DNAH17: variants seen among roughly 807,000 people sequenced by gnomAD.
DNAH17 encodes dynein axonemal heavy chain 17, also known as axonemal beta dynein heavy chain 17.
Under a neutral mutation model 485.6 loss-of-function variants are expected in DNAH17, and 376 were observed. That is an observed-to-expected ratio of 0.77 (90% confidence interval 0.71 to 0.84). The LOEUF is 0.84. DNAH17 is among the 40% of genes least tolerant of loss of function. The pLI, the probability that DNAH17 is intolerant of heterozygous loss-of-function variation, is 0.00. For missense variants in DNAH17, 6,370 were observed against 5,839.3 expected (o/e 1.09, Z -2.96); for synonymous variants, 3,031 against 2,405.9 (o/e 1.26, Z -7.60).
intron 26 of DNAH17, among the ~76,000 whole-genome samples, chr17:78,513,989 G>T (rs1396591181): frequency 3.2e-4 from 49 of 152,098 alleles, no homozygotes; most frequent in Admixed American, 3.1e-3. Flanking sequence ...GTTCCTGTTA[G>T]CCTTCTGGAG....
At chr17:78,571,405 T>G (rs2092355672) in intron 4 of DNAH17, 27 bp from the exon 5 acceptor site, 1 of 1,583,108 alleles carries the variant, frequency 6.3e-7, no homozygotes, top group Admixed American at 1.7e-5. Context: ...AGATCCACCT[T>G]TCATTGACCT....
Position 78,485,719 on chromosome 17 carries a change from G to C in DNAH17, c.7314C>G (p.Arg2438=). The C allele has an allele frequency of 6.2e-7, 1 of 1,613,590 alleles. No individual in the cohort carries two copies. The highest frequency in any genetic ancestry group is 8.5e-7 in the Non-Finnish European group (1 of 1,179,888). The part of the protein sequence containing the change: ...LVHTTETIRI[R]YFMDLLMEKS... ...TCTCCATGAGCAGGTCCATGAAGTA[G>C]CGGATGCGGATGGTTTCCGTGGTGT... Residue 2438 remains arginine (R), a synonymous_variant, in exon 47 of 81, where the codon CGC becomes CGG. Transcript: ENST00000389840.
chr17:78,516,691 GAAAAAAAAAA>G (rs1168693263), intron 25 of DNAH17, among the ~76,000 whole-genome samples: 1 of 88,722 alleles, frequency 1.1e-5, no homozygotes, highest in Admixed American at 1.2e-4. Flanking sequence ...CTCCATCTCA[GAAAAAAAAAA>G]AAAAAAAAAA....
intron 51 of DNAH17, among the ~76,000 whole-genome samples, chr17:78,478,053 T>C (rs1321699052): frequency 3.6e-5 from 4 of 110,260 alleles, no homozygotes; most frequent in Admixed American, 9.5e-5. Context: ...TCATTACCAT[T>C]ATCATCTCCA....
intron 64 of DNAH17, among the ~76,000 whole-genome samples, chr17:78,454,038 C>T (rs2087674859): frequency 6.6e-6 from 1 of 152,106 alleles, no homozygotes; most frequent in Non-Finnish European, 1.5e-5. Context: ...TTTATGGCCA[C>T]AGAGACAAAT....
At chr17:78,535,038 T>C (rs1043137568) in intron 19 of DNAH17, among the ~76,000 whole-genome samples, 4 of 152,122 alleles carry the variant, frequency 2.6e-5, no homozygotes, top group Non-Finnish European at 5.9e-5. Context: ...ACCAGCAGGC[T>C]TTCGAGGGAC....
chr17:78,485,308 G>A (rs2089550448), intron 47 of DNAH17: 3 of 610,654 alleles, frequency 4.9e-6, no homozygotes, highest in Admixed American at 3.2e-5. Context: ...CGGGGGACCT[G>A]CTGCCTCGAC....
At chr17:78,428,760 C>G in intron 76 of DNAH17, 53 bp from the exon 77 acceptor site, 3 of 1,597,190 alleles carry the variant, frequency 1.9e-6, no homozygotes, top group Non-Finnish European at 2.6e-6. Context: ...GGCTGAAACC[C>G]ATGTCCTGTT....
At chr17:78,468,170 T>C (rs1322507234) in intron 55 of DNAH17, among the ~76,000 whole-genome samples, 1 of 138,428 alleles carries the variant, frequency 7.2e-6, no homozygotes, top group Non-Finnish European at 1.6e-5. Flanking sequence ...TAAAAAAAAA[T>C]AATAAAAAAT....
At chr17:78,454,924 T>TC (rs2087725682) in intron 63 of DNAH17, among the ~76,000 whole-genome samples, 5 of 151,812 alleles carry the variant, frequency 3.3e-5, no homozygotes, top group South Asian at 2.1e-4. Context: ...GTTTTTTTTT[T>TC]CCCCTGACAG....
chr17:78,439,433 T>C (rs569198047), intron 72 of DNAH17, among the ~76,000 whole-genome samples: 4 of 152,236 alleles, frequency 2.6e-5, no homozygotes, highest in African/African-American at 9.6e-5. Flanking sequence ...TCCGTTTGGT[T>C]CTAGAACATT....
In DNAH17 at chr17:78,561,899, G is replaced by T. The variant is rs1265309677; in HGVS notation, c.1651C>A (p.Leu551Met). 5.6e-6 allele frequency: 9 copies of T among 1,613,756 alleles called. No individual in the cohort carries two copies. Among genetic ancestry groups the T allele is most frequent in the Non-Finnish European group, 6.8e-6 (8 of 1,179,880 alleles). Residue 551 changes from leucine (L) to methionine (M), a missense_variant, in exon 12 of 81, where the codon CTG becomes ATG. Coordinates refer to ENST00000389840, the MANE Select transcript of DNAH17 (RefSeq NM_173628.4). ...GCATTGTCTAGCTCAGCGTCAAACA[G>T]CTCCAGCATGACTGAATACCTGGGC... ...VAPRYSVMLE[L>M]FDAELDNAKI...
Position 78,426,923 on chromosome 17 carries a change from T to G in DNAH17, c.12771+3A>C, listed in dbSNP as rs1380601465. The G allele has an allele frequency of 1.3e-6, 2 of 1,599,894 alleles. No individual in the cohort carries two copies. Among genetic ancestry groups the G allele is most frequent in the African/African-American group, 2.7e-5 (2 of 74,654 alleles). On this transcript the variant is annotated splice_donor_region_variant and intron_variant, in intron 78 of 80. Transcript: ENST00000389840. ...CCCTGGGGCCGGGCTGACCCATGTT[T>G]ACCTTCAGCCCCAGGTTCAGCTCCT...
chr17:78,503,169 CTT>C (rs397856727), intron 31 of DNAH17, 158 bp from the exon 32 acceptor site: 1,885 of 127,008 alleles, frequency 0.015, 16 homozygotes, highest in East Asian at 0.018. Flanking sequence ...AGTGACACAC[CTT>C]TTTTTTTTTT....
At chr17:78,441,000 G>T in intron 72 of DNAH17, 51 bp downstream of exon 72, 1 of 1,550,514 alleles carries the variant, frequency 6.4e-7, no homozygotes. Flanking sequence ...GGTGCCTGGT[G>T]ATGCTGACAA....
At chr17:78,493,784 A>T (rs1598578100) in intron 41 of DNAH17, among the ~76,000 whole-genome samples, 1 of 152,336 alleles carries the variant, frequency 6.6e-6, no homozygotes, top group East Asian at 1.9e-4. Flanking sequence ...TCAAGGAGAG[A>T]AGAGCAGGAA....
rs2087208507 is a variant in DNAH17 at position 78,444,715 on chromosome 17, G to A, written c.11417C>T (p.Ser3806Leu). The A allele has an allele frequency of 2.5e-6, 4 of 1,606,852 alleles. No individual in the cohort carries two copies. The highest frequency in any genetic ancestry group is 1.1e-5 in the South Asian group (1 of 90,826). Residue 3806 changes from serine to leucine, a missense_variant, in exon 71 of 81, where the codon TCG becomes TTG. Coordinates refer to ENST00000389840, the MANE Select transcript of DNAH17 (RefSeq NM_173628.4). ...SAKRWKKLVE[S>L]EAPEKEIFPK... is the part of the protein sequence containing the mutation. The stretch of plus-strand genomic sequence containing the variant: ...GAAGATCTCCTTCTCGGGGGCTTCC[G>A]ACTCCACCAGCTTTTTCCAGCGCTT...
At chr17:78,567,543 A>G (rs546570143) in intron 9 of DNAH17, among the ~76,000 whole-genome samples, 2 of 152,118 alleles carry the variant, frequency 1.3e-5, no homozygotes, top group African/African-American at 4.8e-5. Context: ...GGTGCTGAAG[A>G]TTTCTGATGC....
chr17:78,562,003 C>T (rs745620493), intron 11 of DNAH17, 23 bp from the exon 12 acceptor site: 2 of 1,550,014 alleles, frequency 1.3e-6, no homozygotes, highest in East Asian at 2.3e-5. Context: ...GAGAAGGGGG[C>T]CTCTTCACCA....
Sources: allele counts gnomAD v4.1 joint callset (sites outside exome capture counted in the v4.1 genomes callset), GRCh38; gene constraint gnomAD v4.1.1; transcripts MANE v1.5; gene names NCBI Gene and HGNC (gene_info 2026-07-23, HGNC 2026-07-21).